Variants in ANKRD55 observed in about 807,000 individuals in gnomAD.
ANKRD55 encodes ankyrin repeat domain-containing protein 55.
Under a neutral mutation model 60.6 loss-of-function variants are expected in ANKRD55, and 41 were observed. The observed-to-expected ratio is 0.68, with a 90% CI of 0.53 to 0.88. The LOEUF is 0.88. ANKRD55 is among the 40% of genes least tolerant of loss of function. ANKRD55 has a pLI of 0.00. For missense variants in ANKRD55, 732 were observed against 767.6 expected (o/e 0.95, Z 0.55); for synonymous variants, 264 against 290.3 (o/e 0.91, Z 0.92).
At chr5:56,189,054 GGT>G (rs1196293127) in intron 2 of ANKRD55, among the ~76,000 whole-genome samples, 4 of 152,076 alleles carry the variant, frequency 2.6e-5, no homozygotes, top group Non-Finnish European at 4.4e-5. Flanking sequence ...AACATTCAGA[GGT>G]GAGTGACTGG....
intron 2 of ANKRD55, among the ~76,000 whole-genome samples, chr5:56,226,340 A>T (rs1760109532): frequency 1.3e-5 from 2 of 152,370 alleles, no homozygotes; most frequent in African/African-American, 2.4e-5. Context: ...TTCAAGATGG[A>T]TTAAATACTT....
At chr5:56,221,533 G>A (rs376015968) in intron 2 of ANKRD55, among the ~76,000 whole-genome samples, 226 of 152,328 alleles carry the variant, frequency 1.5e-3, no homozygotes, top group Admixed American at 3.3e-3. Flanking sequence ...AGCATGAGCC[G>A]AAGCAGGGTG....
chr5:56,202,564 T>C (rs1759404383), intron 2 of ANKRD55, among the ~76,000 whole-genome samples: 1 of 152,202 alleles, frequency 6.6e-6, no homozygotes, highest in South Asian at 2.1e-4. Flanking sequence ...AGTTTCTTTC[T>C]AACATTTTAA....
chr5:56,182,713 G>A (rs1026709563), intron 3 of ANKRD55, among the ~76,000 whole-genome samples: 2 of 152,086 alleles, frequency 1.3e-5, no homozygotes, highest in African/African-American at 2.4e-5. Context: ...ATTTTAGCTG[G>A]CTTCCATGGG....
intron 2 of ANKRD55, among the ~76,000 whole-genome samples, chr5:56,185,376 A>G (rs186895612): frequency 6.6e-6 from 1 of 152,120 alleles, no homozygotes; most frequent in African/African-American, 2.4e-5. Context: ...CCCCTCAAGC[A>G]TAGCCACTGT....
chr5:56,107,559 C>T (rs1756521997), intron 10 of ANKRD55, among the ~76,000 whole-genome samples: 1 of 152,124 alleles, frequency 6.6e-6, no homozygotes, highest in South Asian at 2.1e-4. Context: ...GGAGGGATAG[C>T]AACGTGGCCA....
At chr5:56,178,158 C>T (rs944852807) in intron 3 of ANKRD55, among the ~76,000 whole-genome samples, 7 of 151,900 alleles carry the variant, frequency 4.6e-5, no homozygotes, top group African/African-American at 1.7e-4. Flanking sequence ...TTCTGAAATG[C>T]ATAACCAAAT....
chr5:56,208,536 T>G (rs1264428187), intron 2 of ANKRD55, among the ~76,000 whole-genome samples: 1 of 152,128 alleles, frequency 6.6e-6, no homozygotes, highest in African/African-American at 2.4e-5. Context: ...GCAATTCTCC[T>G]GGCTTAGCCT....
chr5:56,209,125 T>G (rs1029107926), intron 2 of ANKRD55, among the ~76,000 whole-genome samples: 3 of 152,002 alleles, frequency 2.0e-5, no homozygotes, highest in African/African-American at 7.3e-5. Flanking sequence ...TCTTGCTGAT[T>G]TTTGTATTTT....
rs1223011138 is a variant in ANKRD55, at chr5:56,134,370, G to C, written c.613-7264C>G. Among the ~76,000 whole-genome samples, 5 of 114,484 alleles carry C rather than the reference G, an allele frequency of 4.4e-5. 1 individual carries two copies. The East Asian group carries it at 1.2e-3, about 28-fold the overall frequency. The allele number at this position is 114,484 out of a possible 152,430, so 75.1% of individuals were successfully genotyped here. A position where few individuals can be genotyped will look rare whatever the true frequency, so the allele number is the denominator to read the frequency against. Reference sequence around the variant, plus strand: ...AGACAGGTGGATCACCTGAGGTCAGGAGTTCGAGACCAGCCTGGCCAACAT... The same window carrying C: ...AGACAGGTGGATCACCTGAGGTCAGCAGTTCGAGACCAGCCTGGCCAACAT... On this transcript the variant is annotated intron_variant, in intron 7 of 11. Transcript: ENST00000341048.
intron 7 of ANKRD55, among the ~76,000 whole-genome samples, chr5:56,138,089 T>C (rs1757658453): frequency 6.6e-6 from 1 of 151,618 alleles, no homozygotes; most frequent in African/African-American, 2.4e-5. Flanking sequence ...TGCAAAATGG[T>C]ACAGCCACTT....
intron 5 of ANKRD55, among the ~76,000 whole-genome samples, chr5:56,169,087 C>A (rs1017533699): frequency 2.0e-5 from 3 of 152,162 alleles, no homozygotes; most frequent in East Asian, 3.8e-4. Flanking sequence ...GAACTCCTCA[C>A]CTCAGGTTAT....
intron 6 of ANKRD55, among the ~76,000 whole-genome samples, chr5:56,151,931 G>GTGTGTGTATATACACATATATGTATATA (rs1561271630): frequency 3.7e-5 from 3 of 81,516 alleles, no homozygotes; most frequent in African/African-American, 1.3e-4. Flanking sequence ...ATGTATATAT[G>GTGTGTGTATATACACATATATGTATATA]TATATATGTG....
chr5:56,163,342 C>T (rs960987138), intron 5 of ANKRD55, among the ~76,000 whole-genome samples: 1 of 152,140 alleles, frequency 6.6e-6, no homozygotes, highest in Non-Finnish European at 1.5e-5. Flanking sequence ...TGGAGGTGAC[C>T]TGCGAGATAC....
intron 8 of ANKRD55, among the ~76,000 whole-genome samples, chr5:56,123,427 C>T (rs1297914705): frequency 6.6e-6 from 1 of 152,110 alleles, no homozygotes; most frequent in Non-Finnish European, 1.5e-5. Context: ...TTTTATAACA[C>T]GTAATAGGGC....
chr5:56,103,523 C>G (rs1037397036), intron 10 of ANKRD55, among the ~76,000 whole-genome samples: 1 of 152,120 alleles, frequency 6.6e-6, no homozygotes, highest in African/African-American at 2.4e-5. Context: ...TGGGGTCAAA[C>G]AGAATTAGGC....
Position 56,100,011 on chromosome 5 carries a change from G to C in ANKRD55, c.*172C>G. ...ATATGCACACCCAAATATTCTAAGT[G>C]CTTATTTAGGGAGTATCTTTATTTG... On this transcript the variant is annotated 3_prime_UTR_variant, in exon 12 of 12. Coordinates refer to ENST00000341048, the MANE Select transcript of ANKRD55 (RefSeq NM_024669.3). 1.2e-6 allele frequency: 1 copy of C among 823,088 alleles called. No individual in the cohort carries two copies. Among genetic ancestry groups the C allele is most frequent in the Non-Finnish European group, 1.9e-6 (1 of 528,562 alleles). The allele number at this position is 823,088 out of a possible 1,614,324, so 51.0% of individuals were successfully genotyped here. A position where few individuals can be genotyped will look rare whatever the true frequency, so the allele number is the denominator to read the frequency against.
chr5:56,213,783 T>G (rs1759737208), intron 2 of ANKRD55, among the ~76,000 whole-genome samples: 1 of 152,214 alleles, frequency 6.6e-6, no homozygotes, highest in African/African-American at 2.4e-5. Flanking sequence ...GCAGAAGCAC[T>G]GCAAAGCCTA....
chr5:56,121,083 A>G (rs1313919560), intron 8 of ANKRD55, among the ~76,000 whole-genome samples: 1 of 152,122 alleles, frequency 6.6e-6, no homozygotes, highest in African/African-American at 2.4e-5. Flanking sequence ...GCCCAAGCAC[A>G]GCACTGACAC....
Sources: gnomAD v4.1 joint callset for allele counts (sites outside exome capture counted in the v4.1 genomes callset) on GRCh38, gnomAD v4.1.1 for gene constraint, MANE v1.5 for transcripts, NCBI Gene and HGNC (gene_info 2026-07-23, HGNC 2026-07-21) for gene names.